The following CCDC57 variants were observed in gnomAD, a reference collection of about 807,000 sequenced individuals.
The protein encoded by CCDC57 is coiled-coil domain-containing protein 57.
A neutral mutation model predicts 118.9 loss-of-function variants in CCDC57; 118 were observed. That is an observed-to-expected ratio of 0.99 (90% CI 0.86 to 1.16). The LOEUF (loss-of-function observed/expected upper bound fraction) is 1.16, where lower values mean the gene tolerates loss of function less well. Ranked by LOEUF, CCDC57 falls within the 50% of genes most tolerant of loss-of-function variation. The pLI is 0.00. For missense variants in CCDC57, 1,300 were observed against 1,320.7 expected (o/e 0.98, Z 0.24); for synonymous variants, 527 against 532.9 (o/e 0.99, Z 0.15).
At chr17:82,162,085 C>T (rs1050099455) in intron 14 of CCDC57, among the ~76,000 whole-genome samples, 8 of 152,102 alleles carry the variant, frequency 5.3e-5, no homozygotes, top group African/African-American at 1.4e-4. Flanking sequence ...CTGCAACCTC[C>T]GCCTCCTGGG....
intron 11 of CCDC57, among the ~76,000 whole-genome samples, chr17:82,178,115 G>GGCCACTAAGA (rs1555737310): frequency 6.6e-6 from 1 of 152,154 alleles, no homozygotes; most frequent in Non-Finnish European, 1.5e-5. Context: ...CTTAACTATC[G>GGCCACTAAGA]GCCACTAACG....
intron 4 of CCDC57, 68 bp from the exon 4 acceptor site, chr17:82,195,432 G>C: frequency 8.0e-7 from 1 of 1,249,394 alleles, no homozygotes; most frequent in African/African-American, 1.5e-5. Context: ...CCACGTCCTG[G>C]GAGGTGGGAT....
chr17:82,143,379 TG>T (rs2040274477), intron 16 of CCDC57, among the ~76,000 whole-genome samples: 1 of 152,154 alleles, frequency 6.6e-6, no homozygotes, highest in South Asian at 2.1e-4. Context: ...AAAGATGGAA[TG>T]GGAATTACTT....
intron 19 of CCDC57, among the ~76,000 whole-genome samples, chr17:82,108,081 G>C (rs1245288099): frequency 6.6e-6 from 1 of 152,192 alleles, no homozygotes; most frequent in Non-Finnish European, 1.5e-5. Flanking sequence ...CTCTGTCCAC[G>C]TGATGTTGGA....
At chr17:82,162,905 C>T (rs1671408448) in intron 14 of CCDC57, among the ~76,000 whole-genome samples, 3 of 151,980 alleles carry the variant, frequency 2.0e-5, no homozygotes, top group Non-Finnish European at 4.4e-5. Context: ...GCCCCACTGA[C>T]CAGGACCCCT....
chr17:82,184,031 G>GCGCGCACGCACACACA, intron 8 of CCDC57, 99 bp from the exon 8 acceptor site: 1 of 125,852 alleles, frequency 7.9e-6, no homozygotes, highest in Admixed American at 9.1e-5. Flanking sequence ...GCGCGCGCGC[G>GCGCGCACGCACACACA]CACACACACA....
chr17:82,211,634 G>A (rs1466389447), intron 1 of CCDC57, among the ~76,000 whole-genome samples: 1 of 151,056 alleles, frequency 6.6e-6, no homozygotes, highest in Non-Finnish European at 1.5e-5. Flanking sequence ...CGCAACCTGC[G>A]CCTCTCGGTG....
chr17:82,163,647 A>G (rs568231895), intron 13 of CCDC57, among the ~76,000 whole-genome samples: 17 of 152,344 alleles, frequency 1.1e-4, no homozygotes, highest in African/African-American at 3.1e-4. Context: ...AGTCTGTCCA[A>G]GTAAAGAGCC....
intron 14 of CCDC57, among the ~76,000 whole-genome samples, chr17:82,162,362 C>T (rs924977340): frequency 2.1e-4 from 32 of 152,180 alleles, no homozygotes; most frequent in African/African-American, 6.5e-4. Context: ...GCAGTCAAAC[C>T]GAGGTAGTGA....
chr17:82,196,383 G>T (rs1029529765), intron 4 of CCDC57, among the ~76,000 whole-genome samples: 1 of 152,234 alleles, frequency 6.6e-6, no homozygotes, highest in Non-Finnish European at 1.5e-5. Context: ...AATTCCAAGA[G>T]AAAGTCCTCT....
chr17:82,160,064 T>C (rs551614147), intron 14 of CCDC57: 1 of 151,242 alleles, frequency 6.6e-6, no homozygotes, highest in African/African-American at 2.4e-5. Context: ...CCTGGGCAGA[T>C]GGGAAATCTG....
At chr17:82,151,396 C>G (rs1299487877) in intron 16 of CCDC57, among the ~76,000 whole-genome samples, 164 bp downstream of exon 15, 1 of 150,774 alleles carries the variant, frequency 6.6e-6, no homozygotes, top group Non-Finnish European at 1.5e-5. Context: ...CAGAACCTGA[C>G]CCACACCCAG....
intron 5 of CCDC57, among the ~76,000 whole-genome samples, chr17:82,194,834 C>T (rs1162091195): frequency 6.6e-6 from 1 of 152,276 alleles, no homozygotes; most frequent in Non-Finnish European, 1.5e-5. Flanking sequence ...CTCTTCGGTA[C>T]CTTCCTGGGC....
At chr17:82,148,617 T>G (rs2041304977) in intron 16 of CCDC57, among the ~76,000 whole-genome samples, 1 of 66,658 alleles carries the variant, frequency 1.5e-5, no homozygotes, top group African/African-American at 5.9e-5. Context: ...GATGGGTGGG[T>G]GAGTAGATGG....
At chr17:82,127,567 C>A in intron 19 of CCDC57, 125 bp downstream of exon 18, 1 of 1,451,326 alleles carries the variant, frequency 6.9e-7, no homozygotes, top group Non-Finnish European at 9.0e-7. Context: ...CATTACTCAA[C>A]CAAAGTGCAG....
chr17:82,193,994 A>G (rs1258519145), exon 6 of CCDC57: 1 of 1,611,148 alleles, frequency 6.2e-7, no homozygotes, highest in Admixed American at 1.7e-5. Context: ...GGCGCGGCTC[A>G]TGGCCTCCAG....
At chr17:82,150,817 A>G (rs1462059036) in intron 16 of CCDC57, among the ~76,000 whole-genome samples, 2 of 88,102 alleles carry the variant, frequency 2.3e-5, no homozygotes, top group African/African-American at 4.7e-5. Flanking sequence ...ACCCAGAACC[A>G]GGCGCACACT....
intron 19 of CCDC57, chr17:82,126,536 C>A (rs904030383): frequency 1.0e-6 from 1 of 984,726 alleles, no homozygotes; most frequent in African/African-American, 1.7e-5. Context: ...GAAGTGGCTC[C>A]TAAACACACA....
chr17:82,159,612 G>A (rs1349626584), intron 14 of CCDC57, among the ~76,000 whole-genome samples: 4 of 152,108 alleles, frequency 2.6e-5, no homozygotes, highest in African/African-American at 9.7e-5. Context: ...CTTCCAGTGT[G>A]GGCATGTTTC....
Sources: allele counts gnomAD v4.1 joint callset (sites outside exome capture counted in the v4.1 genomes callset), GRCh38; gene constraint gnomAD v4.1.1; transcripts MANE v1.5; gene names NCBI Gene and HGNC (gene_info 2026-07-23, HGNC 2026-07-21).